FXN: variants seen among roughly 807,000 people sequenced by gnomAD.
FXN encodes frataxin, mitochondrial.
FXN carries 14 observed loss-of-function variants against 22.4 expected under a neutral mutation model. That is an observed-to-expected ratio of 0.62 (90% CI 0.41 to 0.98). The LOEUF (loss-of-function observed/expected upper bound fraction) is 0.98, where lower values mean the gene tolerates loss of function less well. FXN is among the 50% of genes least tolerant of loss of function. The pLI, the probability that FXN is intolerant of heterozygous loss-of-function variation, is 0.00. For synonymous variants in FXN, 120 were observed against 114.1 expected (o/e 1.05, Z -0.33); for missense variants, 267 against 268.4 (o/e 0.99, Z 0.04).
Position 69,073,064 on chromosome 9 carries a change from A to G in FXN, c.*302A>G. 1 of 1,233,142 alleles carries G rather than the reference A, an allele frequency of 8.1e-7. No homozygotes were observed. Among genetic ancestry groups the G allele is most frequent in the Non-Finnish European group, 1.0e-6 (1 of 982,862 alleles). The allele number at this position is 1,233,142 out of a possible 1,614,324, so 76.4% of individuals were successfully genotyped here. A position where few individuals can be genotyped will look rare whatever the true frequency, so the allele number is the denominator to read the frequency against. ...ACCTGAATATAACAACCTTTAAAAAAGCAAAATAATAAGAAGGAAAAATTC... is the reference window on the plus strand; with the variant it reads ...ACCTGAATATAACAACCTTTAAAAAGGCAAAATAATAAGAAGGAAAAATTC... On this transcript the variant is annotated 3_prime_UTR_variant, in exon 5 of 5. Transcript: ENST00000484259.
intron 2 of FXN, 113 bp from the exon 3 acceptor site, chr9:69,053,027 T>G: frequency 8.2e-7 from 1 of 1,218,614 alleles, no homozygotes; most frequent in South Asian, 1.5e-5. Flanking sequence ...CTTTTACTTT[T>G]TACATGTTAT....
intron 2 of FXN, among the ~76,000 whole-genome samples, chr9:69,046,931 C>T (rs1227546173): frequency 2.0e-5 from 3 of 152,184 alleles, no homozygotes; most frequent in Non-Finnish European, 2.9e-5. Context: ...TGTTGAGTCT[C>T]AGTCACCTTG....
chr9:69,072,748 G>A lies in FXN; in HGVS notation c.619G>A (p.Gly207Arg), dbSNP rs777584849. 7.4e-6 allele frequency: 12 copies of A among 1,614,174 alleles called. No individual in the cohort carries two copies. The highest frequency in any genetic ancestry group is 3.3e-5 in the South Asian group (3 of 91,074). Reference protein sequence around the residue: ...KLDLSSLAYSGKDA With the variant: ...KLDLSSLAYSRKDA The stretch of plus-strand genomic sequence containing the variant: ...GGACTTGTCTTCCTTGGCCTATTCC[G>A]GAAAAGATGCTTGATGCCCAGCCCC... The change falls in exon 5 of 5, where the codon GGA becomes AGA. Residue 207 changes from glycine (G) to arginine (R), a missense_variant. Gly to Arg is a moderately radical substitution (Grantham distance 125). Coordinates refer to ENST00000484259, the MANE Select transcript of FXN (RefSeq NM_000144.5).
intron 4 of FXN, among the ~76,000 whole-genome samples, chr9:69,066,661 C>T (rs1832170326): frequency 6.6e-6 from 1 of 152,118 alleles, no homozygotes; most frequent in African/African-American, 2.4e-5. Context: ...CCAGCGATCA[C>T]TTTTGGGGAT....
At chr9:69,050,242 G>A (rs530046730) in intron 2 of FXN, among the ~76,000 whole-genome samples, 42 of 152,332 alleles carry the variant, frequency 2.8e-4, no homozygotes, top group Non-Finnish European at 4.1e-4. Flanking sequence ...ATTTTGCAGC[G>A]TAGTATTCCA....
chr9:69,078,861 C>T lies in FXN; in HGVS notation c.*6099C>T, dbSNP rs1045632. On this transcript the variant is annotated 3_prime_UTR_variant, in exon 5 of 5. Coordinates refer to ENST00000484259, the MANE Select transcript of FXN (RefSeq NM_000144.5). Reference sequence around the variant, plus strand: ...TTGATTGTTCCATGTCCTCAGCATACCATGTTTGTCTTTCCCAGCACTGAC... The same window carrying T: ...TTGATTGTTCCATGTCCTCAGCATATCATGTTTGTCTTTCCCAGCACTGAC... 0.48 allele frequency: 468,260 copies of T among 985,068 alleles called. 112,565 individuals carry two copies. The highest frequency in any genetic ancestry group is 0.65 in the East Asian group (5,678 of 8,774). The allele number at this position is 985,068 out of a possible 1,614,324, so 61.0% of individuals were successfully genotyped here.
At chr9:69,069,223 G>C (rs1233453094) in intron 4 of FXN, among the ~76,000 whole-genome samples, 2 of 152,182 alleles carry the variant, frequency 1.3e-5, no homozygotes, top group Non-Finnish European at 2.9e-5. Flanking sequence ...AAATTCGCCA[G>C]GCATGGTGGC....
chr9:69,050,784 C>CTT lies in FXN; in HGVS notation c.264-2344_264-2343dup, dbSNP rs199872351. ...TAGTTGCTTCTTTTCTTGGCCAACT[C>CTT]TTTTTTTTTTTTTGAGATGGAGTTT... On this transcript the variant is annotated intron_variant, in intron 2 of 4. Transcript: ENST00000484259. Among the ~76,000 whole-genome samples the CTT allele has an allele frequency of 5.2e-3, 757 of 146,116 alleles. 5 individuals are homozygous for CTT. Among genetic ancestry groups the CTT allele is most frequent in the African/African-American group, 0.016 (649 of 39,850 alleles).
chr9:69,062,264 A>G (rs528532999), intron 3 of FXN, among the ~76,000 whole-genome samples: 294 of 152,220 alleles, frequency 1.9e-3, no homozygotes, highest in Non-Finnish European at 2.9e-3. Flanking sequence ...GGTGCGCACC[A>G]CCACACCCAG....
In FXN at chr9:69,074,457, C is replaced by T; in HGVS notation, c.*1695C>T. The T allele has an allele frequency of 1.0e-6, 1 of 979,678 alleles. No homozygotes were observed. The highest frequency in any genetic ancestry group is 4.7e-5 in the South Asian group (1 of 21,164). 60.7% of individuals were successfully genotyped at this position (979,678 alleles called of 1,614,324 possible). A position where few individuals can be genotyped will look rare whatever the true frequency, so the allele number is the denominator to read the frequency against. On this transcript the variant is annotated 3_prime_UTR_variant, in exon 5 of 5. Coordinates refer to ENST00000484259, the MANE Select transcript of FXN (RefSeq NM_000144.5). Reference sequence around the variant, plus strand: ...GCTGAGACGGGAGAATTGCTTGACCCCAGGCGGAGGAGGTTACAGTGAGTC... The same window carrying T: ...GCTGAGACGGGAGAATTGCTTGACCTCAGGCGGAGGAGGTTACAGTGAGTC...
In FXN at chr9:69,053,194, A is replaced by G; in HGVS notation, c.318A>G (p.Leu106=). ...ERLAEETLDS[L]AEFFEDLADK... ...TAGCAGAGGAAACGCTGGACTCTTT[A>G]GCAGAGTTTTTTGAAGACCTTGCAG... Residue 106 remains leucine, a synonymous_variant, in exon 3 of 5, where the codon TTA becomes TTG. Coordinates refer to ENST00000484259, the MANE Select transcript of FXN (RefSeq NM_000144.5). 1 of 1,614,032 alleles carries G rather than the reference A, an allele frequency of 6.2e-7. No homozygotes were observed. The highest frequency in any genetic ancestry group is 1.1e-5 in the South Asian group (1 of 91,086).
chr9:69,042,605 G>A (rs754793570), intron 1 of FXN, among the ~76,000 whole-genome samples: 1 of 152,174 alleles, frequency 6.6e-6, no homozygotes, highest in Non-Finnish European at 1.5e-5. Context: ...AAAAACAGCC[G>A]AAGAAAGACT....
At chr9:69,051,321 A>T (rs1831845676) in intron 2 of FXN, among the ~76,000 whole-genome samples, 1 of 151,352 alleles carries the variant, frequency 6.6e-6, no homozygotes, top group African/African-American at 2.4e-5. Flanking sequence ...GGTTCAAGTG[A>T]TCCTTCTCCC....
chr9:69,052,868 CG>C (rs1382907055), intron 2 of FXN, among the ~76,000 whole-genome samples: 16 of 151,276 alleles, frequency 1.1e-4, no homozygotes, highest in Admixed American at 5.9e-4. Flanking sequence ...GGGCCGGGCA[CG>C]GTGCCTTACG....
Position 69,072,644 on chromosome 9 carries a change from A to T in FXN, c.515A>T (p.Asn172Ile). Residue 172 changes from asparagine (N) to isoleucine (I), a missense_variant, in exon 5 of 5, where the codon AAC becomes ATC. Coordinates refer to ENST00000484259, the MANE Select transcript of FXN (RefSeq NM_000144.5). ...GPKRYDWTGK[N>I]WVYSHDGVSL... ...AAGCGTTATGACTGGACTGGGAAAA[A>T]CTGGGTGTACTCCCACGACGGCGTG... is the stretch of plus-strand genomic sequence containing the variant. The T allele has an allele frequency of 6.2e-7, 1 of 1,614,098 alleles. No individual in the cohort carries two copies. Among genetic ancestry groups the T allele is most frequent in the Non-Finnish European group, 8.5e-7 (1 of 1,180,020 alleles).
In FXN at chr9:69,076,426, A is replaced by G. The variant is rs1048223055; in HGVS notation, c.*3664A>G. 7 of 985,236 alleles carry G rather than the reference A, an allele frequency of 7.1e-6. No individual in the cohort carries two copies. The African/African-American group carries it at 1.2e-4, about 17-fold the overall frequency. The allele number at this position is 985,236 out of a possible 1,614,324, so 61.0% of individuals were successfully genotyped here. On this transcript the variant is annotated 3_prime_UTR_variant, in exon 5 of 5. Coordinates refer to ENST00000484259, the MANE Select transcript of FXN (RefSeq NM_000144.5). Reference sequence around the variant, plus strand: ...AACCTTGAACTTAATCAAAATACTCAGTTTACTTAACTTCGTATTAGATTC... The same window carrying G: ...AACCTTGAACTTAATCAAAATACTCGGTTTACTTAACTTCGTATTAGATTC...
intron 1 of FXN, among the ~76,000 whole-genome samples, chr9:69,046,018 A>G (rs1042712375): frequency 3.9e-5 from 6 of 152,304 alleles, no homozygotes; most frequent in East Asian, 1.9e-4. Flanking sequence ...GCCACCACCC[A>G]CTGGAGGTGA....
At chr9:69,047,350 GACACACACACACACAC>G (rs148756619) in intron 2 of FXN, among the ~76,000 whole-genome samples, 3 of 144,112 alleles carry the variant, frequency 2.1e-5, no homozygotes, top group Admixed American at 7.0e-5. Context: ...CACACACACA[GACACACACACACACAC>G]ACACACACAC....
intron 4 of FXN, 120 bp from the exon 5 acceptor site, chr9:69,072,492 T>C: frequency 6.4e-7 from 1 of 1,571,970 alleles, no homozygotes. Context: ...CACTAGCTCA[T>C]TTTGTGTTAT....
Sources: gnomAD v4.1 joint callset for allele counts (sites outside exome capture counted in the v4.1 genomes callset) on GRCh38, gnomAD v4.1.1 for gene constraint, MANE v1.5 for transcripts, NCBI Gene and HGNC (gene_info 2026-07-23, HGNC 2026-07-21) for gene names.